LIG1: variants seen among roughly 807,000 people sequenced by gnomAD.
LIG1 encodes DNA ligase 1.
In LIG1, 70 loss-of-function variants were observed where a neutral mutation model predicts 115.7. The observed-to-expected ratio is 0.60, with a 90% CI of 0.50 to 0.74. LIG1 has a LOEUF of 0.74. Ranked by LOEUF, LIG1 falls within the 30% of genes least tolerant of loss-of-function variation. The pLI, the probability that LIG1 is intolerant of heterozygous loss-of-function variation, is 0.00. For missense variants in LIG1, 1,115 were observed against 1,225.6 expected (o/e 0.91, Z 1.35); for synonymous variants, 487 against 495.3 (o/e 0.98, Z 0.22).
rs188431775 is a variant in LIG1 at position 48,168,516 on chromosome 19, G to A, written c.-58+1725C>T. Among the ~76,000 whole-genome samples the A allele has an allele frequency of 2.4e-4, 37 of 152,188 alleles. No homozygotes were observed. The East Asian group carries it at 6.4e-3, about 26-fold the overall frequency. On this transcript the variant is annotated intron_variant, in intron 1 of 27. Coordinates refer to ENST00000263274, the MANE Select transcript of LIG1 (RefSeq NM_000234.3). ...TGGAGGACCACCTGGCGTCTCTATC[G>A]GAACGGCAACCCCACTTCTGTGTAT...
At chr19:48,127,759 G>A in intron 20 of LIG1, 151 bp downstream of exon 20, 1 of 778,546 alleles carries the variant, frequency 1.3e-6, no homozygotes, top group Non-Finnish European at 2.4e-6. Context: ...GCGATGGCTG[G>A]AGCTGTGGCA....
chr19:48,143,505 C>CGGGGGCGGGGG, intron 11 of LIG1, 38 bp downstream of exon 11: 1 of 850,466 alleles, frequency 1.2e-6, no homozygotes, highest in Non-Finnish European at 2.0e-6. Context: ...GACCCAGAAG[C>CGGGGGCGGGGG]GACCCCGCCC....
Position 48,123,323 on chromosome 19 carries a change from A to G in LIG1, c.2005-5T>C. On this transcript the variant is annotated splice_region_variant and splice_polypyrimidine_tract_variant and intron_variant, in intron 21 of 27. Coordinates refer to ENST00000263274, the MANE Select transcript of LIG1 (RefSeq NM_000234.3). ...AAGGGGCTCACGTACCAGGGACTGC[A>G]GGGCCGGCAGGGAGAAGAGAGATGA... is the stretch of plus-strand genomic sequence containing the variant. 6.2e-7 allele frequency: 1 copy of G among 1,612,704 alleles called. No individual in the cohort carries two copies. Among genetic ancestry groups the G allele is most frequent in the Non-Finnish European group, 8.5e-7 (1 of 1,179,984 alleles).
intron 7 of LIG1, among the ~76,000 whole-genome samples, 154 bp downstream of exon 7, chr19:48,151,078 A>C (rs757975501): frequency 2.6e-4 from 39 of 152,122 alleles, no homozygotes; most frequent in Non-Finnish European, 4.9e-4. Context: ...TTAAAAAAAA[A>C]AACCCGAGTA....
chr19:48,157,935 A>C (rs973718487), intron 4 of LIG1, among the ~76,000 whole-genome samples: 3 of 152,178 alleles, frequency 2.0e-5, no homozygotes, highest in Non-Finnish European at 1.5e-5. Flanking sequence ...GGCGGGAGGC[A>C]TTCAGGTCAC....
chr19:48,115,737 GGA>G lies in LIG1; in HGVS notation c.2677-7_2677-6del. The G allele has an allele frequency of 6.2e-7, 1 of 1,612,068 alleles. No homozygotes were observed. On this transcript the variant is annotated splice_polypyrimidine_tract_variant and splice_region_variant and intron_variant, in intron 27 of 27. Transcript: ENST00000263274. ...CTTCCGGTACAAACAGGCCACCTGC[GGA>G]GAGAGGGTGGGACGGGGTGGTCAGA... is the stretch of plus-strand genomic sequence containing the variant.
chr19:48,169,657 G>A lies in LIG1; in HGVS notation c.-58+584C>T, dbSNP rs2036668037. 5.4e-5 allele frequency: 9 copies of A among 167,156 alleles called. No homozygotes were observed. In the South Asian group the frequency reaches 5.7e-4, roughly 11 times the overall value. 10.4% of individuals were successfully genotyped at this position (167,156 alleles called of 1,614,324 possible). On this transcript the variant is annotated intron_variant, in intron 1 of 27. Transcript: ENST00000263274. ...CCTCCAGTAGGGCCCACTCCTTCCA[G>A]GTGATGCTGCTGCCCGCGATTTACC...
chr19:48,154,515 A>G (rs945033069), intron 5 of LIG1: 10 of 196,264 alleles, frequency 5.1e-5, no homozygotes, highest in African/African-American at 2.3e-4. Context: ...TGCCCAACAC[A>G]TAGCAGACCC....
chr19:48,161,148 A>T, intron 4 of LIG1: 1 of 612,404 alleles, frequency 1.6e-6, no homozygotes, highest in Admixed American at 2.8e-5. Flanking sequence ...TGCATGTTAC[A>T]GTTGAGGCAT....
chr19:48,133,985 G>T lies in LIG1; in HGVS notation c.1605C>A (p.Ser535Arg). 6.4e-7 allele frequency: 1 copy of T among 1,553,482 alleles called. No individual in the cohort carries two copies. Among genetic ancestry groups the T allele is most frequent in the South Asian group, 1.2e-5 (1 of 84,198 alleles). The change falls in exon 17 of 28, where the codon AGC (serine) becomes AGA (arginine). Residue 535 changes from serine (S) to arginine (R), a missense_variant. Coordinates refer to ENST00000263274, the MANE Select transcript of LIG1 (RefSeq NM_000234.3). ...LERLPEHCKL[S>R]PGIPLKPMLA... ...GAGCGCCCCTGGGGCCTGTACCTGG[G>T]CTCAGCTTGCAGTGCTCCGGGAGAC...
At chr19:48,154,174 C>T in intron 5 of LIG1, 1 of 599,744 alleles carries the variant, frequency 1.7e-6, no homozygotes. Flanking sequence ...TACTTAATTT[C>T]TCTGTGCTTT....
intron 17 of LIG1, 108 bp from the exon 18 acceptor site, chr19:48,133,205 T>C: frequency 1.3e-6 from 1 of 797,232 alleles, no homozygotes; most frequent in South Asian, 1.4e-5. Flanking sequence ...GCTTTCTTGC[T>C]ATTCAGTCAC....
At position 48,140,162 on chromosome 19, in the gene LIG1, G is replaced by A. The variant is rs769695271; in HGVS notation, c.915-19C>T. 3.4e-6 allele frequency: 5 copies of A among 1,453,200 alleles called. No homozygotes were observed. Among genetic ancestry groups the A allele is most frequent in the South Asian group, 1.1e-5 (1 of 89,212 alleles). The allele number at this position is 1,453,200 out of a possible 1,614,324, so 90.0% of individuals were successfully genotyped here. The stretch of plus-strand genomic sequence containing the variant: ...CCGGAGCCTGGAGGAGGGGACGGGG[G>A]TATGAACACGTGGTTCCTCAAGGTC... On this transcript the variant is annotated intron_variant, in intron 11 of 27. Transcript: ENST00000263274.
intron 4 of LIG1, 183 bp downstream of exon 4, chr19:48,161,189 C>T (rs992827325): frequency 1.0e-5 from 8 of 790,814 alleles, no homozygotes; most frequent in African/African-American, 5.1e-5. Flanking sequence ...GGAGCCCACC[C>T]GAGGTCCTAG....
At chr19:48,139,845 C>G in intron 12 of LIG1, 126 bp downstream of exon 12, 1 of 1,137,058 alleles carries the variant, frequency 8.8e-7, no homozygotes. Flanking sequence ...GCTCTCCTCC[C>G]TCTCAGCCTT....
At chr19:48,141,736 G>T (rs1259802327) in intron 11 of LIG1, among the ~76,000 whole-genome samples, 1 of 152,178 alleles carries the variant, frequency 6.6e-6, no homozygotes, top group African/African-American at 2.4e-5. Context: ...CAGAAGCTGG[G>T]TTTTTCCTAC....
In LIG1 at chr19:48,164,957, A is replaced by G. The variant is rs185147142; in HGVS notation, c.17+593T>C. On this transcript the variant is annotated intron_variant, in intron 2 of 27. Transcript: ENST00000263274. Reference sequence around the variant, plus strand: ...AACCCTCTGTCCCTAGGTTGTAACAACCAAAAATATCTCCAGACACTGGCC... The same window carrying G: ...AACCCTCTGTCCCTAGGTTGTAACAGCCAAAAATATCTCCAGACACTGGCC... Among the ~76,000 whole-genome samples, 11 of 152,288 alleles carry G rather than the reference A, an allele frequency of 7.2e-5. No individual in the cohort carries two copies. The East Asian group carries it at 2.1e-3, about 29-fold the overall frequency.
chr19:48,161,606 T>C, intron 3 of LIG1, 99 bp from the exon 4 acceptor site: 3 of 1,389,058 alleles, frequency 2.2e-6, no homozygotes, highest in Non-Finnish European at 3.0e-6. Flanking sequence ...TTTCCTTCCC[T>C]TCCTTTCAAG....
At chr19:48,165,415 T>C in intron 2 of LIG1, 135 bp downstream of exon 2, 1 of 771,912 alleles carries the variant, frequency 1.3e-6, no homozygotes, top group Non-Finnish European at 2.3e-6. Flanking sequence ...CCATACTACT[T>C]GACTCCTGGA....
Sources: gnomAD v4.1 joint callset for allele counts (sites outside exome capture counted in the v4.1 genomes callset) on GRCh38, gnomAD v4.1.1 for gene constraint, MANE v1.5 for transcripts, NCBI Gene and HGNC (gene_info 2026-07-23, HGNC 2026-07-21) for gene names.